The following ITGB2 variants were observed in gnomAD, a reference collection of about 807,000 sequenced individuals.
The protein encoded by ITGB2 is integrin subunit beta 2.
In ITGB2, 56 loss-of-function variants were observed where a neutral mutation model predicts 86.8. That is an observed-to-expected ratio of 0.65 (90% CI 0.52 to 0.81). The LOEUF (loss-of-function observed/expected upper bound fraction) is 0.81. ITGB2 is among the 30% of genes least tolerant of loss of function. The probability of loss-of-function intolerance (pLI) is 0.00; values close to 1 mark genes in which losing one functional copy is unlikely to be tolerated. For missense variants in ITGB2, 948 were observed against 1,061.2 expected (o/e 0.89, Z 1.48); for synonymous variants, 457 against 450.4 (o/e 1.01, Z -0.19).
chr21:44,907,975 GAAAC>G, intron 3 of ITGB2: 1 of 700,870 alleles, frequency 1.4e-6, no homozygotes, highest in Non-Finnish European at 2.7e-6. Context: ...AATCCACACA[GAAAC>G]AAACAAATCT....
chr21:44,916,287 C>G (rs6650861), intron 1 of ITGB2, among the ~76,000 whole-genome samples: 41 of 151,960 alleles, frequency 2.7e-4, no homozygotes, highest in African/African-American at 9.9e-4. Flanking sequence ...CCCCACCCCC[C>G]CGACACACAC....
chr21:44,925,418 GGGAGGGAAGGAAGGAAGGAA>G (rs1394044380), upstream of ITGB2, among the ~76,000 whole-genome samples: 173 of 115,732 alleles, frequency 1.5e-3, 4 homozygotes, highest in South Asian at 5.8e-3. Context: ...AAGGGAGGGA[GGGAGGGAAGGAAGGAAGGAA>G]GGAAGGAAGG....
Position 44,910,283 on chromosome 21 carries a change from C to T in ITGB2, c.147+1G>A. ...TGGGGAGGGGTCCAGGAGGCACTTA[C>T]CAGCTTCTGGCACCAGGTGCAGCCG... On this transcript the variant is annotated splice_donor_variant, in intron 3 of 15. Coordinates refer to ENST00000652462, the MANE Select transcript of ITGB2 (RefSeq NM_000211.5). LOFTEE classifies it high-confidence loss of function. 1.9e-6 allele frequency: 3 copies of T among 1,613,874 alleles called. No individual in the cohort carries two copies. The highest frequency in any genetic ancestry group is 2.5e-6 in the Non-Finnish European group (3 of 1,179,914).
intron 11 of ITGB2, 79 bp from the exon 12 acceptor site, chr21:44,890,301 C>T: frequency 6.3e-7 from 1 of 1,584,528 alleles, no homozygotes; most frequent in South Asian, 1.1e-5. Context: ...CCTCCAGGCC[C>T]CTTGCCCTTG....
chr21:44,889,148 C>A, intron 13 of ITGB2, 128 bp downstream of exon 13: 1 of 918,912 alleles, frequency 1.1e-6, no homozygotes, highest in Non-Finnish European at 1.7e-6. Flanking sequence ...CCCCTCAGTC[C>A]AGACGCACCC....
At chr21:44,928,804 C>T (rs889606887) in exon 1 of ITGB2, 9 of 173,290 alleles carry the variant, frequency 5.2e-5, no homozygotes, top group African/African-American at 2.2e-4. Context: ...GATGTGTCTC[C>T]AAGAAAAGTG....
intron 4 of ITGB2, among the ~76,000 whole-genome samples, chr21:44,905,017 T>G (rs752551369): frequency 2.6e-5 from 4 of 152,206 alleles, no homozygotes; most frequent in Non-Finnish European, 1.5e-5. Flanking sequence ...TGTTTGGCTT[T>G]GGGGGCCGTG....
rs778075551 is a variant in ITGB2, at chr21:44,903,361, T to C, written c.499+4A>G. 1 of 1,613,938 alleles carries C rather than the reference T, an allele frequency of 6.2e-7. No homozygotes were observed. Among genetic ancestry groups the C allele is most frequent in the Admixed American group, 1.7e-5 (1 of 60,002 alleles). ...GGTTTTGTCCTGCAGTGCCTGGGCC[T>C]CACCAATGCGGCCGGACTCGGTGAT... On this transcript the variant is annotated splice_donor_region_variant and intron_variant, in intron 5 of 15. Coordinates refer to ENST00000652462, the MANE Select transcript of ITGB2 (RefSeq NM_000211.5).
At position 44,900,326 on chromosome 21, in the gene ITGB2, G is replaced by T. The variant is rs770882421; in HGVS notation, c.891C>A (p.Asn297Lys). 1 of 1,614,162 alleles carries T rather than the reference G, an allele frequency of 6.2e-7. No individual in the cohort carries two copies. The highest frequency in any genetic ancestry group is 1.6e-4 in the Middle Eastern group (1 of 6,062). Residue 297 changes from asparagine (N) to lysine (K), a missense_variant, in exon 7 of 16, where the codon AAC becomes AAA. Physicochemically the swap from Asn to Lys is moderately conservative, Grantham distance 94. Transcript: ENST00000652462. The stretch of plus-strand genomic sequence containing the variant: ...GCCTGGGGTGGGGACTTACGAATTC[G>T]TTGCTCCTCTTGTACAAGTTGTCCT... ...HLEDNLYKRS[N>K]EFDYPSVGQL...
At chr21:44,923,350 T>C (rs1335530796), upstream of ITGB2, among the ~76,000 whole-genome samples, 1 of 152,106 alleles carries the variant, frequency 6.6e-6, no homozygotes, top group African/African-American at 2.4e-5. Context: ...TTGTTTTAAG[T>C]GTGACAATGG....
At chr21:44,920,174 T>A (rs971271793) in intron 1 of ITGB2, among the ~76,000 whole-genome samples, 9 of 152,070 alleles carry the variant, frequency 5.9e-5, no homozygotes, top group Non-Finnish European at 1.0e-4. Flanking sequence ...ATTACACATG[T>A]GCACCATACA....
chr21:44,887,616 G>C (rs137893522), intron 14 of ITGB2, among the ~76,000 whole-genome samples: 1,576 of 152,168 alleles, frequency 0.01, 16 homozygotes, highest in Middle Eastern at 0.031. Flanking sequence ...CTGCCATCCT[G>C]ACCTGCACTC....
rs781696813 is a variant in ITGB2, at chr21:44,893,549, G to A, written c.1084-5C>T. 69 of 1,613,532 alleles carry A rather than the reference G, an allele frequency of 4.3e-5. 1 individual carries two copies. The South Asian group carries it at 4.8e-4, about 11-fold the overall frequency. On this transcript the variant is annotated splice_polypyrimidine_tract_variant and splice_region_variant and intron_variant, in intron 9 of 15. Transcript: ENST00000652462. Reference sequence around the variant, plus strand: ...GAAGACCCTGGAGGAGAGTTTCTGCGGGCAGAGAGCGGTTACTCTTGGGGG... The same window carrying A: ...GAAGACCCTGGAGGAGAGTTTCTGCAGGCAGAGAGCGGTTACTCTTGGGGG...
intron 6 of ITGB2, 83 bp from the exon 7 acceptor site, chr21:44,900,558 C>T: frequency 6.4e-7 from 1 of 1,556,624 alleles, no homozygotes; most frequent in Non-Finnish European, 8.8e-7. Flanking sequence ...CGATGCAGAG[C>T]TGGTGGGGTG....
At chr21:44,906,747 G>A (rs2084047792) in intron 4 of ITGB2, among the ~76,000 whole-genome samples, 168 bp downstream of exon 4, 1 of 152,210 alleles carries the variant, frequency 6.6e-6, no homozygotes, top group African/African-American at 2.4e-5. Flanking sequence ...AGGGCACTGA[G>A]GAGCTCAGCT....
At chr21:44,915,565 G>A (rs533582901) in intron 1 of ITGB2, among the ~76,000 whole-genome samples, 2 of 152,338 alleles carry the variant, frequency 1.3e-5, no homozygotes, top group Admixed American at 6.5e-5. Context: ...CAACCCCTGC[G>A]CTGGGAACTG....
At position 44,901,608 on chromosome 21, in the gene ITGB2, T is replaced by G. The variant is rs769571214; in HGVS notation, c.625A>C (p.Lys209Gln). ...QPPFAFRHVL[K>Q]LTNNSNQFQT... is the part of the protein sequence containing the mutation. ...AACTGGTTGGAGTTGTTGGTCAGCT[T>G]CAGCACGTGCCTGAAGGCAAACGGG... Residue 209 changes from lysine to glutamine, a missense_variant, in exon 6 of 16, where the codon AAG becomes CAG. Lys to Gln is a moderately conservative substitution (Grantham distance 53). Coordinates refer to ENST00000652462, the MANE Select transcript of ITGB2 (RefSeq NM_000211.5). 1.5e-4 allele frequency: 250 copies of G among 1,614,134 alleles called. No individual in the cohort carries two copies. Among genetic ancestry groups the G allele is most frequent in the Non-Finnish European group, 2.0e-4 (237 of 1,180,056 alleles).
chr21:44,893,260 G>A lies in ITGB2; in HGVS notation c.1224+144C>T, dbSNP rs373621815. 1,253 of 946,162 alleles carry A rather than the reference G, an allele frequency of 1.3e-3. 15 individuals carry two copies. Among genetic ancestry groups the A allele is most frequent in the South Asian group, 0.011 (749 of 69,002 alleles). The allele number at this position is 946,162 out of a possible 1,614,324, so 58.6% of individuals were successfully genotyped here. A position where few individuals can be genotyped will look rare whatever the true frequency, so the allele number is the denominator to read the frequency against. ...TGCCTGTGTGCCCCTCCCTGCCCCCGTCAGAGTGCTGGGATGGGGACCCTG... is the reference window on the plus strand; with the variant it reads ...TGCCTGTGTGCCCCTCCCTGCCCCCATCAGAGTGCTGGGATGGGGACCCTG... On this transcript the variant is annotated intron_variant, in intron 10 of 15. Coordinates refer to ENST00000652462, the MANE Select transcript of ITGB2 (RefSeq NM_000211.5).
intron 4 of ITGB2, 118 bp from the exon 5 acceptor site, chr21:44,903,653 C>T (rs1451495596): frequency 1.7e-6 from 2 of 1,149,564 alleles, no homozygotes; most frequent in African/African-American, 1.5e-5. Flanking sequence ...CCCAAATCCT[C>T]CTGACCTCCC....
Sources: allele counts gnomAD v4.1 joint callset (sites outside exome capture counted in the v4.1 genomes callset), GRCh38; gene constraint gnomAD v4.1.1; transcripts MANE v1.5; gene names NCBI Gene and HGNC (gene_info 2026-07-23, HGNC 2026-07-21).